Variants in KCNT2 observed in about 807,000 individuals in gnomAD.
The protein encoded by KCNT2 is potassium sodium-activated channel subfamily T member 2.
Under a neutral mutation model 153.8 loss-of-function variants are expected in KCNT2, and 67 were observed. The observed-to-expected ratio is 0.44, with a 90% confidence interval of 0.36 to 0.53. The LOEUF (loss-of-function observed/expected upper bound fraction) is 0.53. Among genes scored for constraint, KCNT2 ranks in the 20% least tolerant of loss-of-function variants. KCNT2 has a pLI of 0.00. For missense variants in KCNT2, 975 were observed against 1,354.8 expected (o/e 0.72, Z 4.40); for synonymous variants, 500 against 458.8 (o/e 1.09, Z -1.15).
intron 5 of KCNT2, among the ~76,000 whole-genome samples, chr1:196,469,486 T>C (rs899869461): frequency 6.6e-6 from 1 of 152,186 alleles, no homozygotes; most frequent in African/African-American, 2.4e-5. Flanking sequence ...TTAACAATCA[T>C]TGGTATTAAA....
intron 25 of KCNT2, among the ~76,000 whole-genome samples, chr1:196,259,383 T>C (rs374664419): frequency 6.6e-6 from 1 of 152,118 alleles, no homozygotes. Context: ...TAGGAAGTCA[T>C]ATGAAATGCA....
chr1:196,274,094 C>T (rs1315887142), intron 25 of KCNT2, among the ~76,000 whole-genome samples: 1 of 151,486 alleles, frequency 6.6e-6, no homozygotes, highest in Non-Finnish European at 1.5e-5. Context: ...CTCCTACATA[C>T]ATATGTAATT....
At chr1:196,568,129 C>T (rs1660324629) in intron 1 of KCNT2, among the ~76,000 whole-genome samples, 1 of 152,116 alleles carries the variant, frequency 6.6e-6, no homozygotes, top group Admixed American at 6.6e-5. Flanking sequence ...TCAACGGTCC[C>T]CAACCTTTTT....
intron 5 of KCNT2, among the ~76,000 whole-genome samples, chr1:196,472,124 C>T (rs557334506): frequency 2.6e-5 from 4 of 152,256 alleles, no homozygotes; most frequent in African/African-American, 9.6e-5. Flanking sequence ...TTGGCAAGCA[C>T]TTGTAACATT....
intron 1 of KCNT2, among the ~76,000 whole-genome samples, chr1:196,577,385 G>A (rs1303858056): frequency 1.3e-5 from 2 of 152,108 alleles, no homozygotes; most frequent in African/African-American, 2.4e-5. Context: ...CCCACAGTCA[G>A]GAAAAACAGA....
At chr1:196,350,576 T>G (rs1167617651) in intron 14 of KCNT2, among the ~76,000 whole-genome samples, 1 of 152,198 alleles carries the variant, frequency 6.6e-6, no homozygotes, top group Non-Finnish European at 1.5e-5. Context: ...TAAATTTGTT[T>G]GAGTTCATTG....
At position 196,475,478 on chromosome 1, in the gene KCNT2, G is replaced by A. The variant is rs142526064; in HGVS notation, c.384+3701C>T. Among the ~76,000 whole-genome samples, 305 of 152,056 alleles carry A rather than the reference G, an allele frequency of 2.0e-3. 3 individuals are homozygous for A. The highest frequency in any genetic ancestry group is 7.1e-3 in the African/African-American group (296 of 41,464). On this transcript the variant is annotated intron_variant, in intron 5 of 27. Transcript: ENST00000294725. Reference sequence around the variant, plus strand: ...TAAAAAAAGATACAAATATTAGCCGGGTGTGGTGGTGCACACCTGCAGTCC... The same window carrying A: ...TAAAAAAAGATACAAATATTAGCCGAGTGTGGTGGTGCACACCTGCAGTCC...
intron 27 of KCNT2, among the ~76,000 whole-genome samples, chr1:196,232,181 A>G (rs1395053677): frequency 6.6e-6 from 1 of 151,814 alleles, no homozygotes; most frequent in Non-Finnish European, 1.5e-5. Flanking sequence ...ACTGCTTTAT[A>G]GTTACTTTAA....
chr1:196,356,343 A>T (rs1464600420), intron 14 of KCNT2, among the ~76,000 whole-genome samples: 2 of 151,692 alleles, frequency 1.3e-5, no homozygotes, highest in Non-Finnish European at 3.0e-5. Flanking sequence ...CTGATTTGTG[A>T]TCACAATGTA....
chr1:196,388,928 T>A (rs561659905), intron 13 of KCNT2, among the ~76,000 whole-genome samples: 2 of 151,906 alleles, frequency 1.3e-5, no homozygotes, highest in South Asian at 4.1e-4. Flanking sequence ...TGAATAGAAG[T>A]AGAGCACACA....
intron 14 of KCNT2, among the ~76,000 whole-genome samples, chr1:196,350,865 T>G (rs993027287): frequency 3.3e-5 from 5 of 152,182 alleles, no homozygotes; most frequent in African/African-American, 1.2e-4. Flanking sequence ...TAATCCATCT[T>G]GAATTAATTT....
intron 8 of KCNT2, among the ~76,000 whole-genome samples, chr1:196,464,722 C>G (rs1467742315): frequency 5.3e-5 from 8 of 152,010 alleles, no homozygotes; most frequent in African/African-American, 1.4e-4. Flanking sequence ...TTGGATTACT[C>G]TATAATTGTC....
chr1:196,350,372 T>G (rs1558181333), intron 14 of KCNT2, among the ~76,000 whole-genome samples: 1 of 152,270 alleles, frequency 6.6e-6, no homozygotes, highest in East Asian at 1.9e-4. Flanking sequence ...GCACCTGTTG[T>G]TTCCTTAATT....
intron 13 of KCNT2, among the ~76,000 whole-genome samples, chr1:196,387,335 A>G (rs975309237): frequency 6.6e-6 from 1 of 151,910 alleles, no homozygotes; most frequent in African/African-American, 2.4e-5. Flanking sequence ...TTCTTACTGT[A>G]TGGCAACATT....
intron 12 of KCNT2, among the ~76,000 whole-genome samples, chr1:196,399,129 G>C (rs1358653582): frequency 1.3e-5 from 2 of 150,374 alleles, no homozygotes; most frequent in African/African-American, 2.4e-5. Flanking sequence ...GTGTGTACCT[G>C]TGTGGTATGT....
chr1:196,361,723 G>A (rs950115774), intron 14 of KCNT2, among the ~76,000 whole-genome samples: 19 of 152,206 alleles, frequency 1.2e-4, no homozygotes, highest in Non-Finnish European at 1.9e-4. Flanking sequence ...TGGAAAAGAA[G>A]TCTGTTAATA....
chr1:196,244,215 C>T (rs1488698135), intron 26 of KCNT2, among the ~76,000 whole-genome samples: 1 of 152,090 alleles, frequency 6.6e-6, no homozygotes, highest in Non-Finnish European at 1.5e-5. Flanking sequence ...TTGCTGTGGG[C>T]CTTAAGTGAG....
chr1:196,411,095 T>C (rs140405826), intron 12 of KCNT2, among the ~76,000 whole-genome samples: 14 of 68,922 alleles, frequency 2.0e-4, no homozygotes, highest in Non-Finnish European at 3.8e-4. Flanking sequence ...CCTTCCTTCC[T>C]TCCTTCCTTC....
chr1:196,441,879 T>C lies in KCNT2; in HGVS notation c.639-12122A>G, dbSNP rs1029577953. ...TCATAAACATTTATTAAGAAATACA[T>C]ACTGTGCTTAATGTAAAATGTATTT... On this transcript the variant is annotated intron_variant, in intron 8 of 27. Transcript: ENST00000294725. Among the ~76,000 whole-genome samples, 6 of 151,928 alleles carry C rather than the reference T, an allele frequency of 3.9e-5. No individual in the cohort carries two copies. In the East Asian group the frequency reaches 7.8e-4, roughly 20 times the overall value.
Sources: gnomAD v4.1 joint callset for allele counts (sites outside exome capture counted in the v4.1 genomes callset) on GRCh38, gnomAD v4.1.1 for gene constraint, MANE v1.5 for transcripts, NCBI Gene and HGNC (gene_info 2026-07-23, HGNC 2026-07-21) for gene names.